The following CYRIB variants were observed in gnomAD, a reference collection of about 807,000 sequenced individuals.
The protein encoded by CYRIB is CYFIP related Rac1 interactor B.
A neutral mutation model predicts 44.2 loss-of-function variants in CYRIB; 8 were observed. The observed-to-expected ratio is 0.18, with a 90% CI of 0.11 to 0.33. CYRIB has a LOEUF of 0.33. Ranked by LOEUF, CYRIB falls within the 10% of genes least tolerant of loss-of-function variation. CYRIB has a pLI of 1.00. For missense variants in CYRIB, 185 were observed against 382.8 expected (o/e 0.48, Z 4.31); for synonymous variants, 131 against 127.2 (o/e 1.03, Z -0.20).
intron 2 of CYRIB, among the ~76,000 whole-genome samples, chr8:129,885,385 T>A (rs2062334015): frequency 6.6e-6 from 1 of 152,226 alleles, no homozygotes; most frequent in Non-Finnish European, 1.5e-5. Flanking sequence ...TTGTTTAGTG[T>A]CAGTTTTCCT....
At chr8:129,900,096 G>C (rs1005320975) in intron 2 of CYRIB, among the ~76,000 whole-genome samples, 1 of 152,118 alleles carries the variant, frequency 6.6e-6, no homozygotes, top group African/African-American at 2.4e-5. Flanking sequence ...CCAGACTAAA[G>C]GGTTTGTGAA....
chr8:129,873,480 C>T (rs1237836077), intron 3 of CYRIB, among the ~76,000 whole-genome samples: 1 of 151,868 alleles, frequency 6.6e-6, no homozygotes, highest in African/African-American at 2.4e-5. Flanking sequence ...ACATCAGATT[C>T]AGTAGAGAAA....
At chr8:129,868,628 T>C (rs571293618) in intron 4 of CYRIB, 1 of 152,126 alleles carries the variant, frequency 6.6e-6, no homozygotes, top group Admixed American at 6.5e-5. Flanking sequence ...ACTGAGTGAC[T>C]ACGGTATCCT....
At chr8:129,922,405 A>G (rs548248073) in intron 1 of CYRIB, among the ~76,000 whole-genome samples, 1 of 152,360 alleles carries the variant, frequency 6.6e-6, no homozygotes, top group African/African-American at 2.4e-5. Context: ...AATACACATA[A>G]TAAAGATATT....
chr8:129,981,242 C>G (rs1449420919), intron 1 of CYRIB, among the ~76,000 whole-genome samples: 1 of 152,092 alleles, frequency 6.6e-6, no homozygotes, highest in Non-Finnish European at 1.5e-5. Flanking sequence ...TGGGCTCAGG[C>G]CATCCTCCCA....
Position 129,908,799 on chromosome 8 carries a change from T to C in CYRIB, c.-49-5449A>G, listed in dbSNP as rs536355408. On this transcript the variant is annotated intron_variant, in intron 1 of 11. Coordinates refer to ENST00000519824, the Ensembl canonical transcript of CYRIB. ...TCAGAAGAAAGCACAATGGTTACAT[T>C]AAGAGCCTCCCTCCTTGATATACCT... 1.9e-4 allele frequency among the ~76,000 whole-genome samples: 29 copies of C among 152,230 alleles called. 1 individual carries two copies. The highest frequency in any genetic ancestry group is 6.5e-4 in the African/African-American group (27 of 41,548).
chr8:129,870,467 T>G (rs2056699982), intron 4 of CYRIB, among the ~76,000 whole-genome samples: 1 of 152,166 alleles, frequency 6.6e-6, no homozygotes, highest in Non-Finnish European at 1.5e-5. Context: ...CCCTAAACAT[T>G]TGGTCAATCA....
intron 2 of CYRIB, chr8:129,879,799 A>T (rs1008284540): frequency 9.2e-6 from 2 of 217,086 alleles, no homozygotes; most frequent in Non-Finnish European, 1.8e-5. Context: ...TCTGAAAAAG[A>T]AATTTCTGAT....
intron 1 of CYRIB, among the ~76,000 whole-genome samples, chr8:129,938,479 T>C (rs1382211797): frequency 6.6e-6 from 1 of 152,170 alleles, no homozygotes; most frequent in East Asian, 1.9e-4. Flanking sequence ...GGTAAAAAGG[T>C]GGCAAACTCA....
At chr8:129,898,067 A>T (rs897200755) in intron 2 of CYRIB, among the ~76,000 whole-genome samples, 1 of 142,394 alleles carries the variant, frequency 7.0e-6, no homozygotes, top group African/African-American at 2.6e-5. Flanking sequence ...CCTGGCCCCA[A>T]TCTAAAAATT....
chr8:129,888,103 G>C (rs544209431), intron 2 of CYRIB, among the ~76,000 whole-genome samples: 1 of 152,300 alleles, frequency 6.6e-6, no homozygotes, highest in South Asian at 2.1e-4. Context: ...AATTTCATGA[G>C]TGTTGGAGAA....
chr8:129,891,963 T>A (rs975921495), intron 2 of CYRIB, among the ~76,000 whole-genome samples: 1 of 152,168 alleles, frequency 6.6e-6, no homozygotes, highest in Non-Finnish European at 1.5e-5. Context: ...AATAAAATAG[T>A]ATTAGATCAG....
chr8:129,873,731 AACAT>A (rs1308922864), intron 3 of CYRIB, among the ~76,000 whole-genome samples: 1 of 152,068 alleles, frequency 6.6e-6, no homozygotes, highest in African/African-American at 2.4e-5. Flanking sequence ...ACTGAGACTT[AACAT>A]ACAAACGAAA....
intron 2 of CYRIB, among the ~76,000 whole-genome samples, chr8:129,891,039 C>G (rs1461944455): frequency 2.6e-5 from 4 of 152,126 alleles, no homozygotes; most frequent in Non-Finnish European, 4.4e-5. Context: ...TTTCTTCCAG[C>G]AGTAAGACAG....
At chr8:129,999,997 G>C (rs2096872399) in intron 1 of CYRIB, among the ~76,000 whole-genome samples, 1 of 152,166 alleles carries the variant, frequency 6.6e-6, no homozygotes, top group Non-Finnish European at 1.5e-5. Flanking sequence ...CTGTTACCGT[G>C]TCCCCCTTGT....
At chr8:130,016,038 T>G (rs1191330678) in intron 1 of CYRIB, among the ~76,000 whole-genome samples, 4 of 151,616 alleles carry the variant, frequency 2.6e-5, no homozygotes, top group East Asian at 1.9e-4. Context: ...GCCCCCTGCC[T>G]CGAGGCGCAC....
rs1564801445 is a variant in CYRIB at position 130,006,664 on chromosome 8, A to ATATATATACATATATATATGTG, written c.-296+9705_-296+9706insCACATATATATATGTATATATA. On this transcript the variant is annotated intron_variant, in intron 1 of 14. Coordinates refer to the CYRIB transcript ENST00000401979. ...TGTATATATATACATATATATATGT[A>ATATATATACATATATATATGTG]TATATATATGTATATATATACACAC... Among the ~76,000 whole-genome samples, 2 of 49,460 alleles carry ATATATATACATATATATATGTG rather than the reference A, an allele frequency of 4.0e-5. 1 individual carries two copies. Among genetic ancestry groups the ATATATATACATATATATATGTG allele is most frequent in the African/African-American group, 1.7e-4 (2 of 11,480 alleles). 32.4% of individuals were successfully genotyped at this position (49,460 alleles called of 152,430 possible).
chr8:129,846,065 G>A (rs113789234), intron 11 of CYRIB, among the ~76,000 whole-genome samples: 23 of 152,208 alleles, frequency 1.5e-4, no homozygotes, highest in African/African-American at 4.6e-4. Flanking sequence ...CTGGGAGGCC[G>A]AGGTTCCAAT....
intron 1 of CYRIB, among the ~76,000 whole-genome samples, chr8:129,907,033 A>T (rs1023734161): frequency 1.6e-4 from 24 of 152,236 alleles, no homozygotes; most frequent in African/African-American, 5.5e-4. Flanking sequence ...ATTGTGGAAG[A>T]CAGTGTGGCG....
Sources: allele counts gnomAD v4.1 joint callset (sites outside exome capture counted in the v4.1 genomes callset), GRCh38; gene constraint gnomAD v4.1.1; transcripts MANE v1.5; gene names NCBI Gene and HGNC (gene_info 2026-07-23, HGNC 2026-07-21).